Variants in TBX19 observed in about 807,000 individuals in gnomAD.
The protein encoded by TBX19 is T-box transcription factor 19.
A neutral mutation model predicts 40.9 loss-of-function variants in TBX19; 33 were observed. The ratio of observed to expected loss-of-function variants is 0.81; its 90% CI spans 0.61 to 1.08. The LOEUF is 1.08. TBX19 is among the 50% of genes least tolerant of loss of function. The pLI is 0.00. For synonymous variants in TBX19, 220 were observed against 225.0 expected (o/e 0.98, Z 0.20); for missense variants, 494 against 574.0 (o/e 0.86, Z 1.42).
chr1:168,312,815 C>T lies in TBX19; in HGVS notation c.1160C>T (p.Ala387Val), dbSNP rs1427355161. 7.4e-6 allele frequency: 12 copies of T among 1,614,148 alleles called. No individual in the cohort carries two copies. Among genetic ancestry groups the T allele is most frequent in the African/African-American group, 6.7e-5 (5 of 74,944 alleles). ...GGAGCATTTCTCCTCGGAAACCCAG[C>T]TGTGACTTCACCCCCTTCTGTGCTC... ...TPGAFLLGNP[A>V]VTSPPSVLST... The change falls in exon 8 of 8, where the codon GCT becomes GTT. Residue 387 changes from alanine (A) to valine (V), a missense_variant. By Grantham distance (64) the Ala-to-Val change is moderately conservative. Transcript: ENST00000367821.
chr1:168,300,799 G>A (rs1205198081), intron 5 of TBX19, among the ~76,000 whole-genome samples: 1 of 152,168 alleles, frequency 6.6e-6, no homozygotes, highest in African/African-American at 2.4e-5. Flanking sequence ...GCCTCCTAAC[G>A]TTATGCTTGC....
chr1:168,281,708 G>A (rs903706532), intron 1 of TBX19, among the ~76,000 whole-genome samples: 60 of 152,332 alleles, frequency 3.9e-4, no homozygotes, highest in African/African-American at 1.4e-3. Context: ...CCTAAGTATA[G>A]CAAACTTGCC....
intron 7 of TBX19, among the ~76,000 whole-genome samples, chr1:168,309,302 G>T (rs971913826): frequency 6.6e-6 from 1 of 152,192 alleles, no homozygotes; most frequent in Non-Finnish European, 1.5e-5. Context: ...GAACCCAGGA[G>T]GCAGAGGTTG....
intron 1 of TBX19, among the ~76,000 whole-genome samples, chr1:168,288,303 G>T: frequency 6.6e-6 from 1 of 151,626 alleles, no homozygotes; most frequent in African/African-American, 2.4e-5. Flanking sequence ...TTTTATTGTT[G>T]TATTATTTCT....
chr1:168,292,241 C>G lies in TBX19; in HGVS notation c.468+817C>G, dbSNP rs149958758. ...TCATGTGTCCAGAGGTAACACTACC[C>G]GAGTCTGTGATACTCAGAAGCTTCC... On this transcript the variant is annotated intron_variant, in intron 2 of 7. Coordinates refer to ENST00000367821, the MANE Select transcript of TBX19 (RefSeq NM_005149.3). Among the ~76,000 whole-genome samples, 493 of 152,208 alleles carry G rather than the reference C, an allele frequency of 3.2e-3. 3 individuals are homozygous for G. The highest frequency in any genetic ancestry group is 0.011 in the African/African-American group (469 of 41,538).
At chr1:168,298,824 T>TCCCCC (rs1558192751) in intron 4 of TBX19, among the ~76,000 whole-genome samples, 1 of 13,342 alleles carries the variant, frequency 7.5e-5, no homozygotes, top group African/African-American at 4.3e-4. Context: ...CCTCCCTTCC[T>TCCCCC]TTCTTTCTTT....
chr1:168,310,131 A>C (rs111876155), intron 7 of TBX19, among the ~76,000 whole-genome samples: 3,192 of 152,048 alleles, frequency 0.021, 102 homozygotes, highest in African/African-American at 0.073. Flanking sequence ...GTGAAACCCC[A>C]TCTCTACTAA....
In TBX19 at chr1:168,291,210, C is replaced by G. The variant is rs762885960; in HGVS notation, c.254C>G (p.Ala85Gly). ...AGTGTCACAGGGTTGGACCCCAATG[C>G]CATGTACTCCCTCCTGCTGGACTTT... is the stretch of plus-strand genomic sequence containing the variant. ...KISVTGLDPN[A>G]MYSLLLDFVP... The change falls in exon 2 of 8, where the codon GCC becomes GGC. Residue 85 changes from alanine to glycine, a missense_variant. By Grantham distance (60) the Ala-to-Gly change is moderately conservative (BLOSUM62 0). This residue lies in a region of TBX19 where 201 missense variants were observed against 235.2 expected (regional missense o/e 0.85). Coordinates refer to ENST00000367821, the MANE Select transcript of TBX19 (RefSeq NM_005149.3). 6.2e-7 allele frequency: 1 copy of G among 1,614,210 alleles called. No individual in the cohort carries two copies. The highest frequency in any genetic ancestry group is 8.5e-7 in the Non-Finnish European group (1 of 1,180,032).
intron 1 of TBX19, among the ~76,000 whole-genome samples, chr1:168,284,699 T>A (rs984843501): frequency 7.5e-6 from 1 of 133,408 alleles, no homozygotes; most frequent in Non-Finnish European, 1.5e-5. Flanking sequence ...CACCTGACCC[T>A]GGGGAGGTCA....
chr1:168,284,036 AT>A (rs1229281621), intron 1 of TBX19, among the ~76,000 whole-genome samples: 2 of 152,122 alleles, frequency 1.3e-5, no homozygotes, highest in Non-Finnish European at 2.9e-5. Flanking sequence ...AAAACACGGA[AT>A]TATCTCCAGA....
chr1:168,305,800 T>C (rs1649391807), intron 6 of TBX19, among the ~76,000 whole-genome samples: 2 of 152,230 alleles, frequency 1.3e-5, no homozygotes, highest in Admixed American at 1.3e-4. Flanking sequence ...ACCTTTGCCT[T>C]ATGTAGGCCC....
chr1:168,312,468 G>T (rs1015419999), intron 7 of TBX19, among the ~76,000 whole-genome samples: 1 of 152,158 alleles, frequency 6.6e-6, no homozygotes, highest in South Asian at 2.1e-4. Flanking sequence ...CAAATAATTC[G>T]CTGGTGGCCG....
At chr1:168,284,197 A>G (rs1648747380) in intron 1 of TBX19, among the ~76,000 whole-genome samples, 2 of 151,636 alleles carry the variant, frequency 1.3e-5, no homozygotes, top group African/African-American at 4.9e-5. Flanking sequence ...AAAATTGAAA[A>G]CTTTCAGTTA....
intron 2 of TBX19, 57 bp downstream of exon 2, chr1:168,291,481 C>G (rs1648939093): frequency 3.7e-6 from 6 of 1,611,750 alleles, no homozygotes; most frequent in Non-Finnish European, 5.1e-6. Flanking sequence ...CAACACCAAT[C>G]AAGAAATATC....
chr1:168,291,556 C>G (rs1388524586), intron 2 of TBX19, 132 bp downstream of exon 2: 2 of 1,272,060 alleles, frequency 1.6e-6, no homozygotes, highest in Admixed American at 3.8e-5. Flanking sequence ...GCCAATTATT[C>G]CCGGGAGTCC....
At chr1:168,293,014 A>C in intron 2 of TBX19, 130 bp from the exon 3 acceptor site, 1 of 1,486,560 alleles carries the variant, frequency 6.7e-7, no homozygotes, top group Non-Finnish European at 9.2e-7. Context: ...CAGGTGGCCT[A>C]GGATTTGAAA....
chr1:168,284,893 A>G (rs751183540), intron 1 of TBX19, among the ~76,000 whole-genome samples: 10 of 151,942 alleles, frequency 6.6e-5, no homozygotes, highest in Admixed American at 2.0e-4. Context: ...GGAATTACTA[A>G]GTTTAAATTT....
intron 3 of TBX19, among the ~76,000 whole-genome samples, chr1:168,295,938 T>A (rs1422357150): frequency 2.0e-5 from 3 of 152,198 alleles, no homozygotes; most frequent in Non-Finnish European, 4.4e-5. Flanking sequence ...GACAGTTCTC[T>A]TTGAACCACC....
At chr1:168,300,849 T>G (rs1434135547) in intron 5 of TBX19, among the ~76,000 whole-genome samples, 1 of 152,220 alleles carries the variant, frequency 6.6e-6, no homozygotes, top group East Asian at 1.9e-4. Flanking sequence ...CTGTTCTTAG[T>G]GTTTGCTAAT....
Sources: gnomAD v4.1 joint callset for allele counts (sites outside exome capture counted in the v4.1 genomes callset) on GRCh38, gnomAD v4.1.1 for gene constraint, gnomAD v4.1.1 regional missense constraint, MANE v1.5 for transcripts, NCBI Gene and HGNC (gene_info 2026-07-23, HGNC 2026-07-21) for gene names.